RALGAPA1: variants seen among roughly 807,000 people sequenced by gnomAD.
RALGAPA1 encodes the protein ral GTPase-activating protein subunit alpha-1.
RALGAPA1 carries 52 observed loss-of-function variants against 269.6 expected under a neutral mutation model. The ratio of observed to expected loss-of-function variants is 0.19; its 90% CI spans 0.15 to 0.24. The LOEUF is 0.24. RALGAPA1 is among the 10% of genes least tolerant of loss of function. The pLI, the probability that RALGAPA1 is intolerant of heterozygous loss-of-function variation, is 1.00. For missense variants in RALGAPA1, 1,917 were observed against 3,013.9 expected (o/e 0.64, Z 8.52); for synonymous variants, 817 against 1,008.3 (o/e 0.81, Z 3.60).
At chr14:35,773,279 A>C (rs894641151) in intron 3 of RALGAPA1, among the ~76,000 whole-genome samples, 5 of 152,134 alleles carry the variant, frequency 3.3e-5, no homozygotes, top group African/African-American at 1.2e-4. Context: ...ATTCCAGAAG[A>C]AGGAAATCAT....
intron 4 of RALGAPA1, among the ~76,000 whole-genome samples, chr14:35,770,451 G>A (rs1366800373): frequency 6.6e-6 from 1 of 151,460 alleles, no homozygotes; most frequent in Non-Finnish European, 1.5e-5. Context: ...GAAATCAAAG[G>A]CATCTGATTA....
At chr14:35,690,104 T>C (rs2066351405) in intron 17 of RALGAPA1, 101 bp from the exon 18 acceptor site, 3 of 887,710 alleles carry the variant, frequency 3.4e-6, no homozygotes, top group African/African-American at 3.6e-5. Flanking sequence ...AAAAAAAATC[T>C]GAGTTTTTGT....
chr14:35,582,570 C>T (rs959087689), intron 37 of RALGAPA1, among the ~76,000 whole-genome samples: 1 of 152,146 alleles, frequency 6.6e-6, no homozygotes, highest in Admixed American at 6.6e-5. Flanking sequence ...CTGCTGGAAG[C>T]TCAGTGTGGA....
intron 11 of RALGAPA1, among the ~76,000 whole-genome samples, chr14:35,741,244 G>A (rs1453905740): frequency 6.6e-6 from 1 of 152,082 alleles, no homozygotes; most frequent in Non-Finnish European, 1.5e-5. Context: ...AAAAAAGTCA[G>A]AGAAAACAAA....
At chr14:35,644,122 T>C (rs564707295) in intron 31 of RALGAPA1, among the ~76,000 whole-genome samples, 1 of 152,210 alleles carries the variant, frequency 6.6e-6, no homozygotes, top group South Asian at 2.1e-4. Flanking sequence ...ATGCACTGTA[T>C]GTCTCTGTCA....
intron 26 of RALGAPA1, among the ~76,000 whole-genome samples, chr14:35,665,288 A>G (rs1170585549): frequency 6.6e-6 from 1 of 152,212 alleles, no homozygotes; most frequent in African/African-American, 2.4e-5. Flanking sequence ...ATTTGTCTGG[A>G]CTGCCAATGA....
At chr14:35,650,779 A>G (rs576731338) in intron 31 of RALGAPA1, among the ~76,000 whole-genome samples, 1 of 152,320 alleles carries the variant, frequency 6.6e-6, no homozygotes, top group East Asian at 1.9e-4. Context: ...AGATTGAGAT[A>G]TGACAAGGGA....
intron 10 of RALGAPA1, among the ~76,000 whole-genome samples, chr14:35,743,657 CT>C (rs1310747891): frequency 1.3e-5 from 2 of 151,950 alleles, no homozygotes; most frequent in Non-Finnish European, 2.9e-5. Flanking sequence ...TCATCATTGT[CT>C]TTTTGAGAAC....
At chr14:35,591,011 G>C (rs1366070965) in intron 37 of RALGAPA1, among the ~76,000 whole-genome samples, 12 of 152,150 alleles carry the variant, frequency 7.9e-5, no homozygotes, top group Non-Finnish European at 1.6e-4. Context: ...GTTGGATAAA[G>C]TTTTACTTTT....
chr14:35,797,430 G>T (rs893814354), intron 1 of RALGAPA1, among the ~76,000 whole-genome samples: 6 of 151,690 alleles, frequency 4.0e-5, no homozygotes, highest in Non-Finnish European at 7.4e-5. Flanking sequence ...ACATACAGAG[G>T]AAGAGGAATA....
At chr14:35,756,248 A>T (rs1465743242) in intron 7 of RALGAPA1, 1 of 152,252 alleles carries the variant, frequency 6.6e-6, no homozygotes, top group Non-Finnish European at 1.5e-5. Flanking sequence ...TCATCCCTCC[A>T]GTGATTTGAG....
chr14:35,709,679 T>C (rs375642133), intron 16 of RALGAPA1, among the ~76,000 whole-genome samples: 16 of 152,170 alleles, frequency 1.1e-4, no homozygotes, highest in African/African-American at 3.9e-4. Context: ...TTTAGTAATA[T>C]ATATTTTCAA....
intron 37 of RALGAPA1, among the ~76,000 whole-genome samples, chr14:35,579,452 A>T (rs2057802875): frequency 6.6e-6 from 1 of 151,942 alleles, no homozygotes; most frequent in Admixed American, 6.6e-5. Context: ...AACATGGTGA[A>T]ACCTTGTCTC....
chr14:35,689,745 C>T lies in RALGAPA1; in HGVS notation c.2666G>A (p.Ser889Asn). ...EASSITRSTE[S>N]HITDTHSRES... is the part of the protein sequence containing the mutation. ...TCTACTATGAGTATCAGTGATGTGGCTTTCAGTGGATCTAGTTATTGAAGA... is the reference window on the plus strand; with the variant it reads ...TCTACTATGAGTATCAGTGATGTGGTTTTCAGTGGATCTAGTTATTGAAGA... The change falls in exon 18 of 42, where the codon AGC (serine) becomes AAC (asparagine). Residue 889 changes from serine (S) to asparagine (N), a missense_variant. This residue lies in a region of RALGAPA1 where 615 missense variants were observed against 790.0 expected (regional missense o/e 0.78). Coordinates refer to ENST00000680220, the MANE Select transcript of RALGAPA1 (RefSeq NM_001346249.2). 6.7e-7 allele frequency: 1 copy of T among 1,488,968 alleles called. No individual in the cohort carries two copies. The highest frequency in any genetic ancestry group is 2.5e-5 in the East Asian group (1 of 39,228). 92.2% of individuals were successfully genotyped at this position (1,488,968 alleles called of 1,614,324 possible).
At chr14:35,664,609 T>G (rs781338073) in intron 27 of RALGAPA1, 33 bp downstream of exon 27, 1 of 1,536,248 alleles carries the variant, frequency 6.5e-7, no homozygotes, top group Non-Finnish European at 8.9e-7. Context: ...ATAAAATCAT[T>G]TAAGTGCTAA....
rs1327302104 is a variant in RALGAPA1, at chr14:35,766,528, C to T, written c.326-3775G>A. The T allele has an allele frequency of 4.6e-6, 5 of 1,091,814 alleles. No homozygotes were observed. In the South Asian group the frequency reaches 5.0e-5, roughly 11 times the overall value. The allele number at this position is 1,091,814 out of a possible 1,614,324, so 67.6% of individuals were successfully genotyped here. A position where few individuals can be genotyped will look rare whatever the true frequency, so the allele number is the denominator to read the frequency against. On this transcript the variant is annotated intron_variant, in intron 4 of 41. Transcript: ENST00000680220. ...ATTGTCTGCTACCATCTATTGTGCA[C>T]ATCAGAAGCAGCATCGAGTATAGCA...
chr14:35,760,979 A>G lies in RALGAPA1; in HGVS notation c.397T>C (p.Leu133=), dbSNP rs768429610. ...TTCTGAAGAGCTTGCAACCATAGTA[A>G]GAAAAGACGAACACCTTCCCGCCTA... ...KIRREGVRLF[L]LWLQALQNNC... Residue 133 remains leucine, a synonymous_variant, in exon 6 of 42, where the codon TTA becomes CTA. Coordinates refer to ENST00000680220, the MANE Select transcript of RALGAPA1 (RefSeq NM_001346249.2). The G allele has an allele frequency of 5.6e-6, 9 of 1,602,736 alleles. No homozygotes were observed. In the Admixed American group the frequency reaches 1.2e-4, roughly 21 times the overall value.
chr14:35,602,976 C>G (rs1006289554), intron 36 of RALGAPA1, among the ~76,000 whole-genome samples: 1 of 152,086 alleles, frequency 6.6e-6, no homozygotes, highest in Non-Finnish European at 1.5e-5. Flanking sequence ...ATGGTCTCAG[C>G]ACCATTTGTT....
At chr14:35,733,974 A>C (rs1350551906) in intron 12 of RALGAPA1, among the ~76,000 whole-genome samples, 3 of 149,448 alleles carry the variant, frequency 2.0e-5, no homozygotes, top group African/African-American at 7.5e-5. Context: ...AATAAATAAA[A>C]TACTTAGGAA....
Sources: allele counts gnomAD v4.1 joint callset (sites outside exome capture counted in the v4.1 genomes callset), GRCh38; gene constraint gnomAD v4.1.1; regional missense constraint gnomAD v4.1.1; transcripts MANE v1.5; gene names NCBI Gene and HGNC (gene_info 2026-07-23, HGNC 2026-07-21).